Variants in C14orf39 observed in about 807,000 individuals in gnomAD.
The protein encoded by C14orf39 is protein SIX6OS1.
A neutral mutation model predicts 85.6 loss-of-function variants in C14orf39; 66 were observed. The ratio of observed to expected loss-of-function variants is 0.77; its 90% CI spans 0.63 to 0.95. C14orf39 has a LOEUF of 0.95. C14orf39 is among the 40% of genes least tolerant of loss of function. C14orf39 has a pLI of 0.00. For synonymous variants in C14orf39, 242 were observed against 214.0 expected (o/e 1.13, Z -1.14); for missense variants, 735 against 663.9 (o/e 1.11, Z -1.18).
rs146014352 is a variant in C14orf39, at chr14:60,471,819, AAAC to A, written c.324-83_324-81del. Reference sequence around the variant, plus strand: ...TGTGAATACACTGTTAAAGTCTACTAAACATAAAAGGCAAATCAAATGTCTTCT... The same window carrying A: ...TGTGAATACACTGTTAAAGTCTACTAATAAAAGGCAAATCAAATGTCTTCT... On this transcript the variant is annotated intron_variant, in intron 5 of 17. Coordinates refer to ENST00000321731, the MANE Select transcript of C14orf39 (RefSeq NM_174978.3). 850 of 803,672 alleles carry A rather than the reference AAAC, an allele frequency of 1.1e-3. 10 individuals carry two copies. In the East Asian group the frequency reaches 0.018, roughly 17 times the overall value. 49.8% of individuals were successfully genotyped at this position (803,672 alleles called of 1,614,324 possible).
In C14orf39 at chr14:60,468,173, T is replaced by C. The variant is rs546942357; in HGVS notation, c.767+272A>G. Among the ~76,000 whole-genome samples the C allele has an allele frequency of 9.8e-4, 149 of 151,908 alleles. 1 individual carries two copies. Among genetic ancestry groups the C allele is most frequent in the South Asian group, 3.1e-3 (15 of 4,826 alleles). ...ATCATGGAAAACACTGGATGAATTA[T>C]ACAACTGACAGGTTCTAGAACAGCA... On this transcript the variant is annotated intron_variant, in intron 9 of 17. Transcript: ENST00000321731.
rs567673152 is a variant in C14orf39, at chr14:60,505,198, G to C, written c.-143-5768C>G. ...AGCCTTCTCTGTTCTTTGTTACAAG[G>C]TGCACAATGGCAGGGGAGGAATGCA... On this transcript the variant is annotated intron_variant, in intron 1 of 5. Transcript: ENST00000556799. 9.9e-5 allele frequency among the ~76,000 whole-genome samples: 15 copies of C among 152,274 alleles called. No individual in the cohort carries two copies. In the South Asian group the frequency reaches 2.7e-3, roughly 27 times the overall value.
chr14:60,511,240 GTGCGACATCTGAGT>G, intron 1 of C14orf39: 1 of 1,613,430 alleles, frequency 6.2e-7, no homozygotes, highest in Non-Finnish European at 8.5e-7. Context: ...GCGACAGCGA[GTGCGACATCTGAGT>G]TGCCCATCCA....
chr14:60,489,252 C>A (rs188893567), upstream of C14orf39, among the ~76,000 whole-genome samples: 1 of 152,262 alleles, frequency 6.6e-6, no homozygotes, highest in East Asian at 1.9e-4. Context: ...TCTTTGTATG[C>A]ATCCAGTCAA....
In C14orf39 at chr14:60,468,551, G is replaced by T; in HGVS notation, c.676-15C>A. ...CTAGATATCTGCTAAAAAGACAATT[G>T]GGAACACAAAACAAAATAATTACTT... is the stretch of plus-strand genomic sequence containing the variant. On this transcript the variant is annotated splice_polypyrimidine_tract_variant and intron_variant, in intron 8 of 17. Coordinates refer to ENST00000321731, the MANE Select transcript of C14orf39 (RefSeq NM_174978.3). The T allele has an allele frequency of 1.4e-6, 2 of 1,465,856 alleles. No homozygotes were observed. The highest frequency in any genetic ancestry group is 1.4e-5 in the African/African-American group (1 of 69,598). 90.8% of individuals were successfully genotyped at this position (1,465,856 alleles called of 1,614,324 possible).
chr14:60,482,724 A>G (rs1199844238), intron 4 of C14orf39, among the ~76,000 whole-genome samples: 1 of 152,216 alleles, frequency 6.6e-6, no homozygotes, highest in Non-Finnish European at 1.5e-5. Flanking sequence ...GGCTACATCA[A>G]TACCAGAAAT....
At chr14:60,455,821 T>C (rs1891247326) in intron 15 of C14orf39, among the ~76,000 whole-genome samples, 1 of 152,128 alleles carries the variant, frequency 6.6e-6, no homozygotes, top group South Asian at 2.1e-4. Flanking sequence ...AAATGAGCAG[T>C]ATTTATAAAA....
intron 11 of C14orf39, among the ~76,000 whole-genome samples, chr14:60,462,952 T>C (rs1891597984): frequency 6.6e-6 from 1 of 152,140 alleles, no homozygotes; most frequent in African/African-American, 2.4e-5. Context: ...TACAAATACC[T>C]GTATAAATAT....
chr14:60,459,383 T>C (rs1235578334), intron 13 of C14orf39, among the ~76,000 whole-genome samples: 3 of 151,678 alleles, frequency 2.0e-5, no homozygotes, highest in South Asian at 2.1e-4. Context: ...TCTATTTCTC[T>C]AGGTATATAC....
intron 4 of C14orf39, among the ~76,000 whole-genome samples, chr14:60,480,455 A>T (rs1043582685): frequency 5.9e-5 from 9 of 152,084 alleles, no homozygotes; most frequent in Non-Finnish European, 1.2e-4. Flanking sequence ...GAATAACAAC[A>T]AGTGTTGGGG....
chr14:60,441,435 C>T (rs1218250076), intron 17 of C14orf39, among the ~76,000 whole-genome samples: 1 of 152,100 alleles, frequency 6.6e-6, no homozygotes, highest in Non-Finnish European at 1.5e-5. Context: ...TATCTTGTAT[C>T]ATTCTACAAC....
chr14:60,485,231 G>C, intron 1 of C14orf39, 145 bp from the exon 2 acceptor site: 1 of 691,494 alleles, frequency 1.4e-6, no homozygotes, highest in South Asian at 1.9e-5. Flanking sequence ...GCCCCCTTGA[G>C]CCCATGGCGA....
chr14:60,477,907 T>C (rs1237720237), intron 5 of C14orf39, among the ~76,000 whole-genome samples: 2 of 152,000 alleles, frequency 1.3e-5, no homozygotes, highest in African/African-American at 4.8e-5. Context: ...TGGCTGGGCA[T>C]GGTGGGTCAT....
At chr14:60,451,132 A>T (rs1048487175) in intron 16 of C14orf39, among the ~76,000 whole-genome samples, 1 of 152,158 alleles carries the variant, frequency 6.6e-6, no homozygotes, top group African/African-American at 2.4e-5. Context: ...ACCAGGGACC[A>T]GTCCTGGTGA....
At chr14:60,444,505 G>T (rs950315570) in intron 16 of C14orf39, among the ~76,000 whole-genome samples, 2 of 152,172 alleles carry the variant, frequency 1.3e-5, no homozygotes, top group Non-Finnish European at 2.9e-5. Flanking sequence ...AGAGAAAAAA[G>T]AGTAAAAAGA....
In C14orf39 at chr14:60,491,576, C is replaced by T. The variant is rs916804766; in HGVS notation, c.-8-6490G>A. On this transcript the variant is annotated intron_variant, in intron 2 of 5. Coordinates refer to the C14orf39 transcript ENST00000556799. This position sits in a 1 kb window ranked among gnomAD's most constrained non-coding sequence, Gnocchi z 4.5. ...TACCAGAAACCTAGACCGTGACAAC[C>T]TTCCTCTCCTATCATCCCCCACATC... Among the ~76,000 whole-genome samples the T allele has an allele frequency of 2.6e-5, 4 of 152,096 alleles. No individual in the cohort carries two copies. Among genetic ancestry groups the T allele is most frequent in the Non-Finnish European group, 5.9e-5 (4 of 68,012 alleles).
In C14orf39 at chr14:60,471,462, G is replaced by A; in HGVS notation, c.512-3C>T. Reference sequence around the variant, plus strand: ...AAGTGATGGAAAGGGAGCAGGCACTGAAAAATAAAGTCACAGCATAAGCTG... The same window carrying A: ...AAGTGATGGAAAGGGAGCAGGCACTAAAAAATAAAGTCACAGCATAAGCTG... On this transcript the variant is annotated splice_polypyrimidine_tract_variant and splice_region_variant and intron_variant, in intron 6 of 17. Coordinates refer to ENST00000321731, the MANE Select transcript of C14orf39 (RefSeq NM_174978.3). 6.3e-7 allele frequency: 1 copy of A among 1,599,360 alleles called. No homozygotes were observed. The highest frequency in any genetic ancestry group is 8.5e-7 in the Non-Finnish European group (1 of 1,172,886).
intron 11 of C14orf39, among the ~76,000 whole-genome samples, chr14:60,465,623 G>A (rs1354999343): frequency 6.6e-6 from 1 of 152,028 alleles, no homozygotes; most frequent in African/African-American, 2.4e-5. Context: ...TCCTATGCAT[G>A]TCCTGGGCAA....
At chr14:60,506,922 T>C (rs1893211114) in intron 1 of C14orf39, among the ~76,000 whole-genome samples, 1 of 152,202 alleles carries the variant, frequency 6.6e-6, no homozygotes, top group East Asian at 1.9e-4. Flanking sequence ...GACTGTCCAC[T>C]TGCTCACAAA....
Sources: allele counts gnomAD v4.1 joint callset (sites outside exome capture counted in the v4.1 genomes callset), GRCh38; gene constraint gnomAD v4.1.1; non-coding constraint Gnocchi (gnomAD v3.1); transcripts MANE v1.5; gene names NCBI Gene and HGNC (gene_info 2026-07-23, HGNC 2026-07-21).